The following PRORP variants were observed in gnomAD, a reference collection of about 807,000 sequenced individuals.
PRORP encodes the protein mitochondrial ribonuclease P catalytic subunit.
A neutral mutation model predicts 59.4 loss-of-function variants in PRORP; 51 were observed. That is an observed-to-expected ratio of 0.86 (90% CI 0.69 to 1.08). PRORP has a LOEUF of 1.08. PRORP is among the 50% of genes least tolerant of loss of function. The pLI, the probability that PRORP is intolerant of heterozygous loss-of-function variation, is 0.00. For missense variants in PRORP, 646 were observed against 690.3 expected (o/e 0.94, Z 0.72); for synonymous variants, 231 against 245.6 (o/e 0.94, Z 0.55).
At chr14:35,192,303 G>A (rs538075038) in intron 5 of PRORP, among the ~76,000 whole-genome samples, 14 of 152,228 alleles carry the variant, frequency 9.2e-5, no homozygotes, top group Admixed American at 3.9e-4. Context: ...GCACCTCAAA[G>A]GTCTTTCTTG....
chr14:35,167,703 A>G (rs545501854), intron 4 of PRORP, among the ~76,000 whole-genome samples: 22 of 152,312 alleles, frequency 1.4e-4, no homozygotes, highest in African/African-American at 3.4e-4. Context: ...TTTTGTTCGC[A>G]TGTTAAGAGC....
chr14:35,199,180 C>G (rs561857940), intron 5 of PRORP, among the ~76,000 whole-genome samples: 2 of 146,862 alleles, frequency 1.4e-5, no homozygotes, highest in East Asian at 4.0e-4. Flanking sequence ...AAAAAAAATA[C>G]AAAAATTAGC....
At chr14:35,150,042 C>T (rs1031217508) in intron 4 of PRORP, among the ~76,000 whole-genome samples, 2 of 152,048 alleles carry the variant, frequency 1.3e-5, no homozygotes, top group African/African-American at 4.8e-5. Flanking sequence ...GATGGGGTGT[C>T]GCCATGTTTC....
intron 5 of PRORP, among the ~76,000 whole-genome samples, chr14:35,260,352 GC>G (rs1337072907): frequency 6.6e-6 from 1 of 152,164 alleles, no homozygotes. Context: ...ACAGGCACAG[GC>G]CAGACCCAAG....
chr14:35,135,621 G>C (rs1391690692), intron 4 of PRORP, among the ~76,000 whole-genome samples: 1 of 152,150 alleles, frequency 6.6e-6, no homozygotes, highest in Admixed American at 6.6e-5. Context: ...ATAATGAGCA[G>C]CTATTATTAA....
chr14:35,188,545 C>CT (rs959186330), intron 5 of PRORP, among the ~76,000 whole-genome samples: 4 of 151,906 alleles, frequency 2.6e-5, no homozygotes, highest in African/African-American at 9.7e-5. Flanking sequence ...TATATAATCT[C>CT]TAAGTATTTT....
At chr14:35,178,092 A>C (rs1413855273) in intron 4 of PRORP, among the ~76,000 whole-genome samples, 1 of 152,170 alleles carries the variant, frequency 6.6e-6, no homozygotes, top group Non-Finnish European at 1.5e-5. Flanking sequence ...GTTTGATTGC[A>C]CTGTGGTCTG....
intron 5 of PRORP, among the ~76,000 whole-genome samples, chr14:35,238,047 T>TG (rs1248624877): frequency 2.1e-5 from 3 of 145,708 alleles, no homozygotes; most frequent in African/African-American, 7.5e-5. Flanking sequence ...TTAACACATC[T>TG]TTTTTTTTTT....
chr14:35,190,669 C>T (rs1162535147), intron 5 of PRORP, among the ~76,000 whole-genome samples: 1 of 151,872 alleles, frequency 6.6e-6, no homozygotes, highest in Non-Finnish European at 1.5e-5. Context: ...CCACGTCTGG[C>T]TAATTTATGT....
chr14:35,205,845 G>A (rs1283899670), intron 5 of PRORP, among the ~76,000 whole-genome samples: 1 of 152,200 alleles, frequency 6.6e-6, no homozygotes, highest in Non-Finnish European at 1.5e-5. Flanking sequence ...TCTCAACTTG[G>A]GGGTTCCTCT....
chr14:35,150,463 G>A (rs1020809604), intron 4 of PRORP, among the ~76,000 whole-genome samples: 7 of 152,042 alleles, frequency 4.6e-5, no homozygotes, highest in Non-Finnish European at 1.0e-4. Context: ...CAAGAATTCT[G>A]GCCAAAAATG....
In PRORP at chr14:35,124,177, A is replaced by G. The variant is rs1179915761; in HGVS notation, c.932A>G (p.Asn311Ser). 5 of 1,602,436 alleles carry G rather than the reference A, an allele frequency of 3.1e-6. No homozygotes were observed. Among genetic ancestry groups the G allele is most frequent in the Non-Finnish European group, 2.6e-6 (3 of 1,175,224 alleles). The change falls in exon 2 of 8, where the codon AAT becomes AGT. Residue 311 changes from asparagine to serine, a missense_variant. Asn to Ser is a conservative substitution (Grantham distance 46). Transcript: ENST00000534898. ...GATATTCTTTCATATCTAAGAAATA[A>G]TCAGCTGTATCCAGGGGAGTCATTT... Reference protein sequence around the residue: ...LLDILSYLRNNQLYPGESFAH... With the variant: ...LLDILSYLRNSQLYPGESFAH...
intron 5 of PRORP, among the ~76,000 whole-genome samples, chr14:35,205,779 T>G (rs558515720): frequency 6.6e-6 from 1 of 152,356 alleles, no homozygotes; most frequent in South Asian, 2.1e-4. Flanking sequence ...GTTTGTTTGT[T>G]TTTTCTCACA....
intron 4 of PRORP, among the ~76,000 whole-genome samples, chr14:35,131,725 C>T (rs1475685126): frequency 2.0e-5 from 3 of 151,822 alleles, no homozygotes; most frequent in African/African-American, 7.3e-5. Flanking sequence ...GACAGGGTTT[C>T]ACTATGTTAG....
intron 5 of PRORP, among the ~76,000 whole-genome samples, chr14:35,237,067 T>C (rs1005094827): frequency 2.1e-5 from 3 of 143,980 alleles, no homozygotes; most frequent in Admixed American, 7.0e-5. Context: ...CCTTCCTTCC[T>C]TTCCTTCCTT....
chr14:35,254,788 C>G (rs1409179536), intron 5 of PRORP, among the ~76,000 whole-genome samples: 4 of 152,156 alleles, frequency 2.6e-5, no homozygotes, highest in Non-Finnish European at 4.4e-5. Flanking sequence ...CTAACCCTTG[C>G]ATTCATTTCC....
intron 6 of PRORP, among the ~76,000 whole-genome samples, chr14:35,268,359 A>C (rs1353498299): frequency 6.6e-6 from 1 of 151,464 alleles, no homozygotes; most frequent in African/African-American, 2.4e-5. Flanking sequence ...AAAAAAAAAA[A>C]AAAACAACCC....
intron 5 of PRORP, among the ~76,000 whole-genome samples, chr14:35,240,291 C>T (rs1288416559): frequency 1.4e-5 from 1 of 71,982 alleles, no homozygotes; most frequent in South Asian, 4.5e-4. Context: ...ACTTTTAAAC[C>T]ATCTTTTTTT....
intron 4 of PRORP, among the ~76,000 whole-genome samples, chr14:35,175,161 G>A (rs2048416011): frequency 6.6e-6 from 1 of 151,980 alleles, no homozygotes; most frequent in Admixed American, 6.6e-5. Context: ...ATTTGGGTTG[G>A]TTCCAAGTCT....
Sources: allele counts gnomAD v4.1 joint callset (sites outside exome capture counted in the v4.1 genomes callset), GRCh38; gene constraint gnomAD v4.1.1; transcripts MANE v1.5; gene names NCBI Gene and HGNC (gene_info 2026-07-23, HGNC 2026-07-21).